The following CFAP58 variants were observed in gnomAD, a reference collection of about 807,000 sequenced individuals.
The protein encoded by CFAP58 is cilia and flagella associated protein 58, also known as cilia- and flagella-associated protein 58.
Under a neutral mutation model 119.5 loss-of-function variants are expected in CFAP58, and 88 were observed. The ratio of observed to expected loss-of-function variants is 0.74; its 90% CI spans 0.62 to 0.88. The LOEUF (loss-of-function observed/expected upper bound fraction) is 0.88, where lower values mean the gene tolerates loss of function less well. CFAP58 is among the 40% of genes least tolerant of loss of function. The pLI, the probability that CFAP58 is intolerant of heterozygous loss-of-function variation, is 0.00. For missense variants in CFAP58, 990 were observed against 1,021.2 expected, an observed-to-expected ratio of 0.97 and a Z score of 0.42; for synonymous variants, 365 against 366.3, an observed-to-expected ratio of 1.00 and a Z score of 0.04.
intron 17 of CFAP58, among the ~76,000 whole-genome samples, chr10:104,452,977 T>G (rs2133104613): frequency 6.6e-6 from 1 of 152,258 alleles, no homozygotes; most frequent in East Asian, 1.9e-4. Flanking sequence ...AGAACAAAAG[T>G]GCTGAGATGG....
Position 104,364,876 on chromosome 10 carries a change from A to T in CFAP58, c.584A>T (p.His195Leu). 2 of 1,611,726 alleles carry T rather than the reference A, an allele frequency of 1.2e-6. No homozygotes were observed. The highest frequency in any genetic ancestry group is 8.5e-7 in the Non-Finnish European group (1 of 1,178,984). Residue 195 changes from histidine (H) to leucine (L), a missense_variant, in exon 4 of 18, where the codon CAT becomes CTT. Transcript: ENST00000369704. Reference sequence around the variant, plus strand: ...GAGCGATCAAAAGAGGAGGCTGAACATGCCATCAGTCAGGTCTGCCATGGA... The same window carrying T: ...GAGCGATCAAAAGAGGAGGCTGAACTTGCCATCAGTCAGGTCTGCCATGGA... ...ETERSKEEAE[H>L]AISQFQQEIQ...
At chr10:104,379,941 T>C in intron 8 of CFAP58, 88 bp from the exon 9 acceptor site, 1 of 1,026,458 alleles carries the variant, frequency 9.7e-7, no homozygotes, top group Non-Finnish European at 1.5e-6. Flanking sequence ...AGATATCTAA[T>C]TATGTTAGAG....
chr10:104,435,787 G>A (rs1589935312), intron 15 of CFAP58, among the ~76,000 whole-genome samples: 2 of 152,170 alleles, frequency 1.3e-5, no homozygotes, highest in East Asian at 3.8e-4. Flanking sequence ...TGTAGATAAA[G>A]TCGAGATGTC....
chr10:104,367,876 C>T (rs1236969756), intron 5 of CFAP58, among the ~76,000 whole-genome samples: 1 of 152,218 alleles, frequency 6.6e-6, no homozygotes, highest in Non-Finnish European at 1.5e-5. Context: ...CTGGCTGACA[C>T]TGCACTCAAG....
chr10:104,354,697 C>T (rs118126177), intron 1 of CFAP58, among the ~76,000 whole-genome samples: 2 of 152,304 alleles, frequency 1.3e-5, no homozygotes, highest in Non-Finnish European at 2.9e-5. Flanking sequence ...CCAGCCAGGA[C>T]CAGCTACATG....
intron 5 of CFAP58, among the ~76,000 whole-genome samples, chr10:104,367,658 G>T (rs1014375299): frequency 1.3e-5 from 2 of 152,136 alleles, no homozygotes; most frequent in African/African-American, 4.8e-5. Context: ...GAATTAGCTG[G>T]ATTCTTTTCA....
At chr10:104,403,610 A>G (rs1454324362) in intron 13 of CFAP58, 119 bp from the exon 14 acceptor site, 2 of 536,138 alleles carry the variant, frequency 3.7e-6, no homozygotes, top group Non-Finnish European at 6.6e-6. Context: ...TGTGTTCACA[A>G]TATTCTCCCT....
intron 8 of CFAP58, among the ~76,000 whole-genome samples, chr10:104,378,849 A>G (rs1227776653): frequency 6.6e-6 from 1 of 151,912 alleles, no homozygotes; most frequent in African/African-American, 2.4e-5. Flanking sequence ...TCTGTGTTTC[A>G]GGGGAACTTG....
At chr10:104,414,730 C>T (rs1350204120) in intron 15 of CFAP58, among the ~76,000 whole-genome samples, 2 of 152,068 alleles carry the variant, frequency 1.3e-5, no homozygotes, top group Admixed American at 6.5e-5. Flanking sequence ...AGTGCAGTGG[C>T]GCAATCTCGG....
intron 16 of CFAP58, among the ~76,000 whole-genome samples, 190 bp downstream of exon 16, chr10:104,448,007 A>G (rs1219604091): frequency 1.3e-5 from 2 of 152,226 alleles, no homozygotes; most frequent in African/African-American, 4.8e-5. Context: ...TTCCTGGACT[A>G]TTAGACAGCA....
intron 15 of CFAP58, among the ~76,000 whole-genome samples, chr10:104,421,122 A>G (rs2012651020): frequency 1.3e-5 from 2 of 152,204 alleles, no homozygotes; most frequent in African/African-American, 4.8e-5. Context: ...GAAGTCCACG[A>G]AATAGCAGAT....
At chr10:104,393,182 G>C (rs1227989121) in intron 10 of CFAP58, 147 bp from the exon 11 acceptor site, 5 of 705,970 alleles carry the variant, frequency 7.1e-6, no homozygotes, top group Non-Finnish European at 6.9e-6. Context: ...ATGGGCACTA[G>C]AGACAAAGGA....
intron 17 of CFAP58, among the ~76,000 whole-genome samples, chr10:104,453,267 T>G (rs897516092): frequency 6.6e-6 from 1 of 152,326 alleles, no homozygotes; most frequent in Non-Finnish European, 1.5e-5. Context: ...GCTAAAGCTT[T>G]TGTCCTATTT....
chr10:104,381,383 T>A (rs2011799291), intron 9 of CFAP58, among the ~76,000 whole-genome samples: 1 of 152,054 alleles, frequency 6.6e-6, no homozygotes, highest in African/African-American at 2.4e-5. Flanking sequence ...CTCTCTTTAA[T>A]GCATTCATAG....
chr10:104,346,035 T>A, the CFAP58 span, among the ~76,000 whole-genome samples: 2 of 152,042 alleles, frequency 1.3e-5, no homozygotes, highest in Non-Finnish European at 2.9e-5. Context: ...GCAGGAAACA[T>A]GGTTCTAGCA....
chr10:104,423,135 T>C (rs907867824), intron 15 of CFAP58, among the ~76,000 whole-genome samples: 2 of 152,216 alleles, frequency 1.3e-5, no homozygotes, highest in African/African-American at 2.4e-5. Context: ...TAGGAAATTA[T>C]GGTTTGCTGT....
chr10:104,373,470 CAA>C (rs894658533), intron 7 of CFAP58, among the ~76,000 whole-genome samples: 1 of 146,784 alleles, frequency 6.8e-6, no homozygotes, highest in South Asian at 2.1e-4. Context: ...ACTATCTCTT[CAA>C]AAAAAAAAAT....
At chr10:104,433,201 C>G (rs960384097) in intron 15 of CFAP58, among the ~76,000 whole-genome samples, 1 of 152,186 alleles carries the variant, frequency 6.6e-6, no homozygotes, top group Non-Finnish European at 1.5e-5. Context: ...TCAAGCCATC[C>G]ACCTGCCTCA....
At chr10:104,386,128 A>G (rs2011917493) in intron 9 of CFAP58, among the ~76,000 whole-genome samples, 1 of 150,924 alleles carries the variant, frequency 6.6e-6, no homozygotes, top group Admixed American at 6.6e-5. Context: ...CTGTAATCCC[A>G]GCACTTTGGG....
Sources: gnomAD v4.1 joint callset for allele counts (sites outside exome capture counted in the v4.1 genomes callset) on GRCh38, gnomAD v4.1.1 for gene constraint, MANE v1.5 for transcripts, NCBI Gene and HGNC (gene_info 2026-07-23, HGNC 2026-07-21) for gene names.